Variants in GALNT10 observed in about 807,000 individuals in gnomAD.
GALNT10 encodes GalNAc transferase 10.
GALNT10 carries 41 observed loss-of-function variants against 75.0 expected under a neutral mutation model. The observed-to-expected ratio is 0.55, with a 90% confidence interval of 0.43 to 0.71. GALNT10 has a LOEUF of 0.71. Among genes scored for constraint, GALNT10 ranks in the 30% least tolerant of loss-of-function variants. GALNT10 has a pLI of 0.00. For synonymous variants in GALNT10, 302 were observed against 313.0 expected, an observed-to-expected ratio of 0.96 and a Z score of 0.37; for missense variants, 727 against 818.5, an observed-to-expected ratio of 0.89 and a Z score of 1.36.
At chr5:154,322,598 C>G (rs574345871) in intron 3 of GALNT10, among the ~76,000 whole-genome samples, 1 of 152,304 alleles carries the variant, frequency 6.6e-6, no homozygotes, top group South Asian at 2.1e-4. Flanking sequence ...TGCTACTCTG[C>G]TTACCATGCC....
intron 1 of GALNT10, among the ~76,000 whole-genome samples, chr5:154,242,222 G>C (rs1274854285): frequency 1.3e-5 from 2 of 152,142 alleles, no homozygotes; most frequent in Non-Finnish European, 2.9e-5. Context: ...TGAGTCTTTT[G>C]ATAATAAAGC....
intron 3 of GALNT10, among the ~76,000 whole-genome samples, chr5:154,313,858 G>C (rs2113098684): frequency 6.6e-6 from 1 of 152,250 alleles, no homozygotes; most frequent in South Asian, 2.1e-4. Flanking sequence ...AAAGGGAACA[G>C]GGACTTTTCA....
At chr5:154,357,885 G>A (rs181391450) in intron 4 of GALNT10, among the ~76,000 whole-genome samples, 6 of 152,162 alleles carry the variant, frequency 3.9e-5, no homozygotes, top group Admixed American at 1.3e-4. Flanking sequence ...AAGGCTCAGC[G>A]TGCTCCACAA....
At chr5:154,324,076 T>C (rs942938089) in intron 3 of GALNT10, among the ~76,000 whole-genome samples, 1 of 152,238 alleles carries the variant, frequency 6.6e-6, no homozygotes, top group African/African-American at 2.4e-5. Flanking sequence ...AGTACCAGGT[T>C]CAGAGCCTAC....
At chr5:154,255,234 G>A (rs974310606) in intron 1 of GALNT10, among the ~76,000 whole-genome samples, 31 of 152,120 alleles carry the variant, frequency 2.0e-4, no homozygotes, top group African/African-American at 7.2e-4. Context: ...TAGGAAAATG[G>A]GACCACCAGG....
At chr5:154,310,432 GT>G (rs962402717) in intron 3 of GALNT10, among the ~76,000 whole-genome samples, 11 of 53,648 alleles carry the variant, frequency 2.1e-4, no homozygotes, top group Admixed American at 1.8e-3. Context: ...CCATCACTGG[GT>G]TTTTTTTGTT....
At chr5:154,317,133 C>G (rs1754604899) in intron 3 of GALNT10, among the ~76,000 whole-genome samples, 1 of 152,192 alleles carries the variant, frequency 6.6e-6, no homozygotes, top group African/African-American at 2.4e-5. Flanking sequence ...TGCAAAGGAG[C>G]AGAGTCAGGA....
Position 154,392,324 on chromosome 5 carries a change from T to A in GALNT10, c.1056+5894T>A, listed in dbSNP as rs189838980. The A allele has an allele frequency of 1.2e-4, 19 of 152,350 alleles. No individual in the cohort carries two copies. In the East Asian group the frequency reaches 3.7e-3, roughly 29 times the overall value. 9.4% of individuals were successfully genotyped at this position (152,350 alleles called of 1,614,324 possible). ...GGAGGAGGTTTTGTCCACCTCTATA[T>A]CCCCAGTCTCTGGCCCACATCAGTG... On this transcript the variant is annotated intron_variant, in intron 7 of 11. Coordinates refer to ENST00000297107, the MANE Select transcript of GALNT10 (RefSeq NM_198321.4).
At chr5:154,359,617 A>G (rs1755351686) in intron 4 of GALNT10, among the ~76,000 whole-genome samples, 1 of 151,118 alleles carries the variant, frequency 6.6e-6, no homozygotes, top group African/African-American at 2.4e-5. Flanking sequence ...TCCTTTCCCC[A>G]TCACCCTACC....
At chr5:154,411,498 G>C (rs1756397439) in intron 9 of GALNT10, among the ~76,000 whole-genome samples, 1 of 152,238 alleles carries the variant, frequency 6.6e-6, no homozygotes, top group African/African-American at 2.4e-5. Context: ...GCTGGCCACA[G>C]GGCGCGTGAG....
Position 154,299,656 on chromosome 5 carries a change from T to G in GALNT10, c.401+1577T>G, listed in dbSNP as rs182059547. Among the ~76,000 whole-genome samples the G allele has an allele frequency of 6.8e-4, 104 of 152,320 alleles. 1 individual carries two copies. The highest frequency in any genetic ancestry group is 1.5e-3 in the Admixed American group (23 of 15,302). ...TCCTTTAGTTCCTACAACAATACTT[T>G]GAGGTTGGCATTACCATGATCATCT... On this transcript the variant is annotated intron_variant, in intron 3 of 11. Transcript: ENST00000297107.
Position 154,329,580 on chromosome 5 carries a change from G to A in GALNT10, c.410G>A (p.Ser137Asn). The A allele has an allele frequency of 6.2e-7, 1 of 1,613,668 alleles. No individual in the cohort carries two copies. The highest frequency in any genetic ancestry group is 8.5e-7 in the Non-Finnish European group (1 of 1,179,646). ...LPDIRHPNCN[S>N]KRYLETLPNT... ...CTTATGTTTCCCTCTAGCTGCAACA[G>A]CAAGCGCTACCTGGAGACACTTCCC... The change falls in exon 4 of 12, where the codon AGC (serine) becomes AAC (asparagine). Residue 137 changes from serine to asparagine, a missense_variant. Ser to Asn is a conservative substitution (Grantham distance 46). Transcript: ENST00000297107.
At chr5:154,400,543 G>A (rs1399252890) in intron 7 of GALNT10, among the ~76,000 whole-genome samples, 6 of 152,194 alleles carry the variant, frequency 3.9e-5, no homozygotes, top group South Asian at 2.1e-4. Flanking sequence ...GGAGCAGTTG[G>A]AAGGACAGTC....
chr5:154,303,895 A>T (rs1263881956), intron 3 of GALNT10, among the ~76,000 whole-genome samples: 2 of 152,232 alleles, frequency 1.3e-5, no homozygotes, highest in African/African-American at 4.8e-5. Flanking sequence ...CCCAGGGTAG[A>T]CACAGATATT....
chr5:154,275,655 A>G (rs1212486532), intron 1 of GALNT10, among the ~76,000 whole-genome samples: 3 of 152,180 alleles, frequency 2.0e-5, no homozygotes, highest in Non-Finnish European at 2.9e-5. Context: ...CACTTCCAAG[A>G]TGGCTCATTC....
At chr5:154,353,811 A>G (rs1755247955) in intron 4 of GALNT10, among the ~76,000 whole-genome samples, 1 of 152,104 alleles carries the variant, frequency 6.6e-6, no homozygotes, top group Non-Finnish European at 1.5e-5. Flanking sequence ...CTCCTCTGTG[A>G]TGCCTTCCCC....
chr5:154,298,073 A>G lies in GALNT10; in HGVS notation c.395A>G (p.His132Arg). The G allele has an allele frequency of 1.9e-6, 3 of 1,612,934 alleles. No individual in the cohort carries two copies. The highest frequency in any genetic ancestry group is 1.1e-5 in the South Asian group (1 of 90,972). ...AATCGCTCTCTCCCAGATATCCGGC[A>G]CCCAAAGTGAGTGTAACATCTCTCA... ...SLNRSLPDIRHPNCNSKRYLE... is the reference protein window; with the variant it reads ...SLNRSLPDIRRPNCNSKRYLE... The change falls in exon 3 of 12, where the codon CAC (histidine) becomes CGC (arginine). Residue 132 changes from histidine (H) to arginine (R), a missense_variant. Transcript: ENST00000297107. The surrounding 1 kb of genome is among the most constrained non-coding windows in gnomAD (Gnocchi z 4.1).
At chr5:154,264,723 G>C in intron 1 of GALNT10, among the ~76,000 whole-genome samples, 1 of 152,166 alleles carries the variant, frequency 6.6e-6, no homozygotes, top group East Asian at 1.9e-4. Context: ...AAGTCAAAGG[G>C]CTTTTGGCTG....
intron 4 of GALNT10, among the ~76,000 whole-genome samples, chr5:154,334,700 C>G (rs2113123746): frequency 6.6e-6 from 1 of 152,344 alleles, no homozygotes; most frequent in South Asian, 2.1e-4. Flanking sequence ...ACAGCATTTT[C>G]TCCAGCTCAA....
Sources: gnomAD v4.1 joint callset for allele counts (sites outside exome capture counted in the v4.1 genomes callset) on GRCh38, gnomAD v4.1.1 for gene constraint, Gnocchi (gnomAD v3.1) non-coding constraint, MANE v1.5 for transcripts, NCBI Gene and HGNC (gene_info 2026-07-23, HGNC 2026-07-21) for gene names.